DLG2: variants seen among roughly 807,000 people sequenced by gnomAD.
DLG2 encodes the protein disks large homolog 2.
A neutral mutation model predicts 132.5 loss-of-function variants in DLG2; 45 were observed. That is an observed-to-expected ratio of 0.34 (90% CI 0.27 to 0.44). The LOEUF is 0.44. Ranked by LOEUF, DLG2 falls within the 20% of genes least tolerant of loss-of-function variation. DLG2 has a pLI of 1.00. For missense variants in DLG2, 1,045 were observed against 1,196.9 expected, an observed-to-expected ratio of 0.87 and a Z score of 1.87; for synonymous variants, 424 against 419.6, an observed-to-expected ratio of 1.01 and a Z score of -0.13.
At chr11:83,851,991 G>A (rs1037513892) in intron 16 of DLG2, among the ~76,000 whole-genome samples, 3 of 152,034 alleles carry the variant, frequency 2.0e-5, no homozygotes. Context: ...AGAAGATGGA[G>A]GCCAGTGTTG....
intron 4 of DLG2, among the ~76,000 whole-genome samples, chr11:85,192,415 G>A (rs1333789039): frequency 6.6e-6 from 1 of 152,180 alleles, no homozygotes; most frequent in East Asian, 1.9e-4. Context: ...AAGGAATTGG[G>A]AGGGGAGGTC....
chr11:85,148,340 C>T (rs560175810), intron 5 of DLG2, among the ~76,000 whole-genome samples: 1 of 152,168 alleles, frequency 6.6e-6, no homozygotes, highest in African/African-American at 2.4e-5. Flanking sequence ...CTGTCTTCCA[C>T]AACAGTTGAA....
intron 10 of DLG2, among the ~76,000 whole-genome samples, chr11:84,070,373 T>C (rs1460424869): frequency 6.6e-6 from 1 of 152,194 alleles, no homozygotes; most frequent in African/African-American, 2.4e-5. Context: ...ATGAAATGTT[T>C]CCAAATCACT....
At position 85,542,881 on chromosome 11, in the gene DLG2, A is replaced by G. The variant is rs543203574; in HGVS notation, c.40+55776T>C. Among the ~76,000 whole-genome samples, 3 of 152,376 alleles carry G rather than the reference A, an allele frequency of 2.0e-5. No individual in the cohort carries two copies. The South Asian group carries it at 6.2e-4, about 32-fold the overall frequency. On this transcript the variant is annotated intron_variant, in intron 3 of 27. Coordinates refer to ENST00000376104, the MANE Select transcript of DLG2 (RefSeq NM_001142699.3). ...AGATAAATATAAGTTGTATGTAGTCATATGTGTTTATGTGTGTGTGGATTT... is the reference window on the plus strand; with the variant it reads ...AGATAAATATAAGTTGTATGTAGTCGTATGTGTTTATGTGTGTGTGGATTT...
At chr11:83,802,217 T>A (rs1379161810) in intron 17 of DLG2, among the ~76,000 whole-genome samples, 1 of 152,074 alleles carries the variant, frequency 6.6e-6, no homozygotes, top group Non-Finnish European at 1.5e-5. Flanking sequence ...GTCTTAAATG[T>A]CCTTGCAAAC....
chr11:84,689,591 T>C (rs994239829), intron 6 of DLG2, among the ~76,000 whole-genome samples: 16 of 152,106 alleles, frequency 1.1e-4, no homozygotes, highest in African/African-American at 3.9e-4. Flanking sequence ...ATCATCTTTC[T>C]TGTAATTAAT....
At position 84,899,031 on chromosome 11, in the gene DLG2, C is replaced by G. The variant is rs138642418; in HGVS notation, c.357+212630G>C. Among the ~76,000 whole-genome samples, 249 of 152,132 alleles carry G rather than the reference C, an allele frequency of 1.6e-3. 1 individual carries two copies. Among genetic ancestry groups the G allele is most frequent in the African/African-American group, 5.7e-3 (237 of 41,540 alleles). On this transcript the variant is annotated intron_variant, in intron 6 of 27. Coordinates refer to ENST00000376104, the MANE Select transcript of DLG2 (RefSeq NM_001142699.3). ...GTGCAGAAGCTACATGGTGGGAAAT[C>G]ACAAATTTTTGTGAATGAGTGAGTG...
At chr11:84,558,205 A>T (rs879577891) in intron 6 of DLG2, among the ~76,000 whole-genome samples, 2 of 152,184 alleles carry the variant, frequency 1.3e-5, no homozygotes, top group African/African-American at 2.4e-5. Context: ...AAATAAAAAA[A>T]CTTCACTAAG....
intron 20 of DLG2, among the ~76,000 whole-genome samples, chr11:83,535,022 C>T (rs1009714880): frequency 2.0e-5 from 3 of 152,082 alleles, no homozygotes; most frequent in African/African-American, 7.2e-5. Context: ...TTGCACCAGG[C>T]ATACAACAGT....
intron 12 of DLG2, among the ~76,000 whole-genome samples, chr11:83,979,579 A>G (rs970491353): frequency 1.3e-5 from 2 of 152,222 alleles, no homozygotes; most frequent in African/African-American, 4.8e-5. Context: ...ATATAACTCC[A>G]TGGTTCAGAA....
intron 6 of DLG2, among the ~76,000 whole-genome samples, chr11:84,783,476 G>T (rs972003646): frequency 6.6e-5 from 10 of 151,996 alleles, no homozygotes; most frequent in Non-Finnish European, 1.3e-4. Flanking sequence ...GTTCTCCAAG[G>T]TTCAACTTAT....
chr11:83,529,315 T>C (rs1275429376), intron 21 of DLG2, among the ~76,000 whole-genome samples: 1 of 152,144 alleles, frequency 6.6e-6, no homozygotes, highest in African/African-American at 2.4e-5. Flanking sequence ...TTCCCAACTC[T>C]CCACATAGTT....
At chr11:84,985,209 G>A (rs75586432) in intron 6 of DLG2, among the ~76,000 whole-genome samples, 5,193 of 152,154 alleles carry the variant, frequency 0.034, 122 homozygotes, top group African/African-American at 0.053. Context: ...TTTCTCTCAG[G>A]TAGACCATAT....
chr11:83,597,772 G>A (rs1259942625), intron 19 of DLG2, among the ~76,000 whole-genome samples: 1 of 149,594 alleles, frequency 6.7e-6, no homozygotes, highest in Non-Finnish European at 1.5e-5. Flanking sequence ...AAGACAGAGT[G>A]AGCTCCCTGT....
intron 6 of DLG2, among the ~76,000 whole-genome samples, chr11:85,014,259 T>C (rs1027762426): frequency 1.3e-5 from 2 of 152,198 alleles, no homozygotes; most frequent in African/African-American, 2.4e-5. Flanking sequence ...ATTTACCCAG[T>C]GGGTTGCTGT....
At chr11:85,614,469 C>T (rs752071531) in intron 2 of DLG2, among the ~76,000 whole-genome samples, 20 of 152,112 alleles carry the variant, frequency 1.3e-4, no homozygotes, top group Non-Finnish European at 2.1e-4. Context: ...GGAGAAACCC[C>T]GTTTTTACTA....
At chr11:83,595,020 A>G (rs542770975) in intron 19 of DLG2, among the ~76,000 whole-genome samples, 3 of 152,328 alleles carry the variant, frequency 2.0e-5, no homozygotes, top group African/African-American at 7.2e-5. Context: ...ACAGATATTT[A>G]GACATATTCT....
At position 84,067,602 on chromosome 11, in the gene DLG2, A is replaced by G. The variant is rs2096698455; in HGVS notation, c.750-8118T>C. The stretch of plus-strand genomic sequence containing the variant: ...CACACACAAACACAGGCTGACTCAA[A>G]TGACTTCAAATCATAATGGCCTGCC... On this transcript the variant is annotated intron_variant, in intron 10 of 27. Coordinates refer to ENST00000376104, the MANE Select transcript of DLG2 (RefSeq NM_001142699.3). Among the ~76,000 whole-genome samples, 4 of 151,990 alleles carry G rather than the reference A, an allele frequency of 2.6e-5. No homozygotes were observed. In the South Asian group the frequency reaches 8.3e-4, roughly 32 times the overall value.
At chr11:84,499,716 GTCTC>G (rs1325311922) in intron 7 of DLG2, among the ~76,000 whole-genome samples, 4 of 151,532 alleles carry the variant, frequency 2.6e-5, no homozygotes, top group Admixed American at 6.6e-5. Flanking sequence ...CTCTCTTTCT[GTCTC>G]TCTCTGTTTC....
Sources: allele counts gnomAD v4.1 joint callset (sites outside exome capture counted in the v4.1 genomes callset), GRCh38; gene constraint gnomAD v4.1.1; transcripts MANE v1.5; gene names NCBI Gene and HGNC (gene_info 2026-07-23, HGNC 2026-07-21).